MBD5: variants seen among roughly 807,000 people sequenced by gnomAD.
MBD5 encodes the protein methyl-CpG binding domain protein 5.
MBD5 carries 13 observed loss-of-function variants against 117.3 expected under a neutral mutation model. That is an observed-to-expected ratio of 0.11 (90% CI 0.07 to 0.18). The LOEUF (loss-of-function observed/expected upper bound fraction) is 0.18. MBD5 is among the 10% of genes least tolerant of loss of function. The pLI, the probability that MBD5 is intolerant of heterozygous loss-of-function variation, is 1.00. For missense variants in MBD5, 1,879 were observed against 2,093.8 expected (o/e 0.90, Z 2.00); for synonymous variants, 727 against 766.4 (o/e 0.95, Z 0.85).
intron 2 of MBD5, among the ~76,000 whole-genome samples, chr2:148,212,001 G>T (rs1699435303): frequency 6.6e-6 from 1 of 152,030 alleles, no homozygotes; most frequent in Non-Finnish European, 1.5e-5. Context: ...TTCCTGCCTT[G>T]GCCTCCTAAA....
chr2:148,209,410 A>T (rs7606707), intron 2 of MBD5, among the ~76,000 whole-genome samples: 117,142 of 152,028 alleles, frequency 0.77, 46,487 homozygotes, highest in Non-Finnish European at 0.86. Flanking sequence ...TGAGGACACA[A>T]AAAAGGCACC....
At chr2:148,148,612 C>G (rs1697538540) in intron 1 of MBD5, among the ~76,000 whole-genome samples, 1 of 152,126 alleles carries the variant, frequency 6.6e-6, no homozygotes, top group African/African-American at 2.4e-5. Flanking sequence ...TCTCCCTAGT[C>G]CTTTGTCTAT....
chr2:148,144,988 G>A (rs1697414879), intron 1 of MBD5, among the ~76,000 whole-genome samples: 1 of 152,216 alleles, frequency 6.6e-6, no homozygotes, highest in African/African-American at 2.4e-5. Context: ...TGTGAAGAAA[G>A]TCATTGGTAG....
chr2:148,409,246 G>A (rs942943081), intron 4 of MBD5, among the ~76,000 whole-genome samples: 2 of 151,962 alleles, frequency 1.3e-5, no homozygotes, highest in Non-Finnish European at 1.5e-5. Flanking sequence ...AAATTAGCCA[G>A]ACGTTATGGC....
chr2:148,443,838 A>G lies in MBD5; in HGVS notation c.-556-14365A>G, dbSNP rs564247765. Among the ~76,000 whole-genome samples, 28 of 151,380 alleles carry G rather than the reference A, an allele frequency of 1.8e-4. No individual in the cohort carries two copies. The South Asian group carries it at 5.8e-3, about 31-fold the overall frequency. ...ATAAGACGGAGTATTTGCTAGCACA[A>G]CAAGGTGGCTATTGTCAAAAATAAT... On this transcript the variant is annotated intron_variant, in intron 4 of 13. Transcript: ENST00000642680.
At chr2:148,226,280 A>T (rs1457852478) in intron 2 of MBD5, among the ~76,000 whole-genome samples, 1 of 151,746 alleles carries the variant, frequency 6.6e-6, no homozygotes, top group South Asian at 2.1e-4. Flanking sequence ...CACCCACAAC[A>T]GTCCCCGGTG....
chr2:148,482,414 A>G (rs1004827090), intron 8 of MBD5, among the ~76,000 whole-genome samples: 10 of 152,092 alleles, frequency 6.6e-5, no homozygotes, highest in African/African-American at 2.4e-4. Flanking sequence ...TAATCACAAT[A>G]TATTGATAAA....
At chr2:148,281,378 T>C (rs1701241296) in intron 3 of MBD5, among the ~76,000 whole-genome samples, 1 of 152,158 alleles carries the variant, frequency 6.6e-6, no homozygotes, top group African/African-American at 2.4e-5. Flanking sequence ...AGGATTTTCT[T>C]TTTCAAATAA....
intron 2 of MBD5, among the ~76,000 whole-genome samples, chr2:148,184,021 T>TA (rs1176478386): frequency 1.5e-5 from 2 of 137,704 alleles, no homozygotes; most frequent in Non-Finnish European, 3.1e-5. Flanking sequence ...ACATCCTTCT[T>TA]AATTTTTTTT....
chr2:148,119,426 G>T (rs533907285), intron 1 of MBD5, among the ~76,000 whole-genome samples: 2 of 152,174 alleles, frequency 1.3e-5, no homozygotes, highest in East Asian at 3.9e-4. Context: ...AATCCTATGT[G>T]ATTTACAAAT....
intron 2 of MBD5, among the ~76,000 whole-genome samples, chr2:148,197,341 A>G (rs1034511264): frequency 6.6e-6 from 1 of 152,208 alleles, no homozygotes; most frequent in Non-Finnish European, 1.5e-5. Context: ...GAGCAGAGAC[A>G]AACTATCCCT....
chr2:148,345,557 GTATATACACGTATACACATACATA>G (rs2105186959), intron 4 of MBD5, among the ~76,000 whole-genome samples: 1 of 76,598 alleles, frequency 1.3e-5, no homozygotes, highest in South Asian at 4.0e-4. Context: ...ACATACATAT[GTATATACACGTATACACATACATA>G]TGTATATACA....
chr2:148,479,927 T>C (rs1681097061), intron 8 of MBD5, among the ~76,000 whole-genome samples: 1 of 151,994 alleles, frequency 6.6e-6, no homozygotes, highest in South Asian at 2.1e-4. Context: ...GAGCTTTACA[T>C]TTTTCTAGTT....
intron 4 of MBD5, among the ~76,000 whole-genome samples, chr2:148,402,135 AT>A (rs2105096009): frequency 6.6e-6 from 1 of 151,898 alleles, no homozygotes; most frequent in South Asian, 2.1e-4. Context: ...TAAAGTTGCT[AT>A]TTTCCCCCTT....
In MBD5 at chr2:148,435,632, C is replaced by T. The variant is rs550338283; in HGVS notation, c.-556-22571C>T. Among the ~76,000 whole-genome samples the T allele has an allele frequency of 1.1e-4, 16 of 152,168 alleles. No individual in the cohort carries two copies. In the South Asian group the frequency reaches 3.1e-3, roughly 30 times the overall value. On this transcript the variant is annotated intron_variant, in intron 4 of 13. Coordinates refer to ENST00000642680, the MANE Select transcript of MBD5 (RefSeq NM_001378120.1). The stretch of plus-strand genomic sequence containing the variant: ...TCTGCTATTAGCCTGAAGAGATTTC[C>T]CTTGTAGGTGACCTGCCCCTTACCT...
chr2:148,311,448 T>G (rs961082349), intron 3 of MBD5, among the ~76,000 whole-genome samples: 2 of 152,250 alleles, frequency 1.3e-5, no homozygotes, highest in South Asian at 4.1e-4. Context: ...AAAGTCTGTT[T>G]TATCAGAGAC....
In MBD5 at chr2:148,189,000, G is replaced by A. The variant is rs1461501027; in HGVS notation, c.-831+10207G>A. On this transcript the variant is annotated intron_variant, in intron 2 of 13. Coordinates refer to ENST00000642680, the MANE Select transcript of MBD5 (RefSeq NM_001378120.1). Reference sequence around the variant, plus strand: ...CGAGTCAAAGAAAGGGGTGACGGACGCACCTGGAAAATCGGGTCACTCCCA... The same window carrying A: ...CGAGTCAAAGAAAGGGGTGACGGACACACCTGGAAAATCGGGTCACTCCCA... Among the ~76,000 whole-genome samples, 8 of 149,200 alleles carry A rather than the reference G, an allele frequency of 5.4e-5. No homozygotes were observed. In the South Asian group the frequency reaches 1.1e-3, roughly 20 times the overall value.
chr2:148,368,345 G>A (rs906632334), intron 4 of MBD5, among the ~76,000 whole-genome samples: 2 of 152,046 alleles, frequency 1.3e-5, no homozygotes, highest in Admixed American at 6.6e-5. Context: ...GGGTATGGAA[G>A]GGATAGCATT....
At chr2:148,215,951 T>G (rs565997748) in intron 2 of MBD5, among the ~76,000 whole-genome samples, 3 of 152,160 alleles carry the variant, frequency 2.0e-5, no homozygotes, top group Non-Finnish European at 4.4e-5. Context: ...GGTCTTGTCT[T>G]TAAGAAATCC....
Sources: allele counts gnomAD v4.1 joint callset (sites outside exome capture counted in the v4.1 genomes callset), GRCh38; gene constraint gnomAD v4.1.1; transcripts MANE v1.5; gene names NCBI Gene and HGNC (gene_info 2026-07-23, HGNC 2026-07-21).